The following TAS2R1 variants were observed in gnomAD, a reference collection of about 807,000 sequenced individuals.
TAS2R1 encodes the protein taste receptor type 2 member 1.
For synonymous variants in TAS2R1, 141 were observed against 134.2 expected (o/e 1.05, Z -0.35); for missense variants, 370 against 353.4 (o/e 1.05, Z -0.38).
the TAS2R1 span, among the ~76,000 whole-genome samples, chr5:9,854,709 AT>A: frequency 6.6e-6 from 1 of 152,336 alleles, no homozygotes; most frequent in Middle Eastern, 3.4e-3. Flanking sequence ...GCAATACTGG[AT>A]TTGACATAAA....
chr5:9,629,742 T>C lies in TAS2R1; in HGVS notation c.291A>G (p.Thr97=), dbSNP rs1227416385. 6.2e-7 allele frequency: 1 copy of C among 1,614,004 alleles called. No individual in the cohort carries two copies. Among genetic ancestry groups the C allele is most frequent in the Non-Finnish European group, 8.5e-7 (1 of 1,179,950 alleles). Residue 97 remains threonine, a synonymous_variant, in exon 1 of 1, where the codon ACA becomes ACG. Transcript: ENST00000382492. Reference sequence around the variant, plus strand: ...TGGCACAATAGAAAACGCCGAGCCATGTGGCAAGCCAAAGTTCCAATTCAT... The same window carrying C: ...TGGCACAATAGAAAACGCCGAGCCACGTGGCAAGCCAAAGTTCCAATTCAT... The part of the protein sequence containing the change: ...FINELELWLA[T]WLGVFYCAKV...
the TAS2R1 span, among the ~76,000 whole-genome samples, chr5:9,756,773 G>A: frequency 2.0e-5 from 3 of 152,178 alleles, no homozygotes; most frequent in African/African-American, 7.2e-5. Flanking sequence ...CGAAAGGGTT[G>A]TCAGGAGATT....
the TAS2R1 span, among the ~76,000 whole-genome samples, chr5:9,718,004 C>G: frequency 2.6e-5 from 4 of 152,102 alleles, no homozygotes; most frequent in Admixed American, 6.5e-5. Flanking sequence ...TCTGTTGCCA[C>G]GCTGGAGTGC....
chr5:9,685,433 T>C (rs1028850657), intron 1 of TAS2R1, among the ~76,000 whole-genome samples: 2 of 152,104 alleles, frequency 1.3e-5, no homozygotes, highest in African/African-American at 4.8e-5. Flanking sequence ...ATAACAATTA[T>C]ATACTACATA....
At chr5:9,835,937 T>A in the TAS2R1 span, among the ~76,000 whole-genome samples, 2 of 152,240 alleles carry the variant, frequency 1.3e-5, no homozygotes, top group Admixed American at 1.3e-4. Flanking sequence ...AGACCCCAGA[T>A]AAAATCAGTT....
At chr5:9,740,549 A>G in the TAS2R1 span, among the ~76,000 whole-genome samples, 4 of 152,336 alleles carry the variant, frequency 2.6e-5, no homozygotes, top group East Asian at 3.9e-4. Flanking sequence ...ATCAACAACC[A>G]TCTAAGCTGT....
the TAS2R1 span, among the ~76,000 whole-genome samples, chr5:9,851,303 T>C: frequency 2.6e-5 from 4 of 152,236 alleles, no homozygotes; most frequent in African/African-American, 4.8e-5. Context: ...TGAAGGCGCA[T>C]GTTGGCTAGA....
At chr5:9,771,888 G>A in the TAS2R1 span, among the ~76,000 whole-genome samples, 1 of 151,592 alleles carries the variant, frequency 6.6e-6, no homozygotes, top group Non-Finnish European at 1.5e-5. Flanking sequence ...ATTTATTTGG[G>A]TCTTCTCTTT....
intron 2 of TAS2R1, among the ~76,000 whole-genome samples, chr5:9,659,231 C>T (rs1287605339): frequency 6.6e-6 from 1 of 152,114 alleles, no homozygotes; most frequent in Non-Finnish European, 1.5e-5. Context: ...CACAGGGACC[C>T]CATGAACTAC....
Position 9,627,918 on chromosome 5 carries a change from C to T in TAS2R1, c.*1215G>A, listed in dbSNP as rs1231407326. Reference sequence around the variant, plus strand: ...AAATCCTTCATTGGTGTATTATAACCAGGCCTGCGTGGCTTGGGTTAGAAA... The same window carrying T: ...AAATCCTTCATTGGTGTATTATAACTAGGCCTGCGTGGCTTGGGTTAGAAA... On this transcript the variant is annotated 3_prime_UTR_variant, in exon 1 of 1. Transcript: ENST00000382492. Among the ~76,000 whole-genome samples the T allele has an allele frequency of 6.6e-6, 1 of 152,138 alleles. No homozygotes were observed. The highest frequency in any genetic ancestry group is 6.5e-5 in the Admixed American group (1 of 15,268).
chr5:9,879,982 G>C, the TAS2R1 span, among the ~76,000 whole-genome samples: 1 of 152,106 alleles, frequency 6.6e-6, no homozygotes, highest in Admixed American at 6.5e-5. Context: ...TGCAGGGTTT[G>C]CTTGATTTTC....
At chr5:9,774,813 G>T in the TAS2R1 span, among the ~76,000 whole-genome samples, 1 of 152,244 alleles carries the variant, frequency 6.6e-6, no homozygotes, top group Non-Finnish European at 1.5e-5. Context: ...TGAGCTGCCT[G>T]AAGCTGGGAA....
the TAS2R1 span, among the ~76,000 whole-genome samples, chr5:9,899,605 C>G: frequency 6.7e-6 from 1 of 150,350 alleles, no homozygotes; most frequent in Admixed American, 6.6e-5. Flanking sequence ...CCACTGCACT[C>G]CAGCCTGGGC....
At chr5:9,898,968 C>G in the TAS2R1 span, among the ~76,000 whole-genome samples, 1 of 152,182 alleles carries the variant, frequency 6.6e-6, no homozygotes, top group Non-Finnish European at 1.5e-5. Flanking sequence ...GGGAAGTGGA[C>G]ATGGAACTGC....
intron 1 of TAS2R1, among the ~76,000 whole-genome samples, chr5:9,664,710 A>G (rs1280043123): frequency 6.6e-6 from 1 of 150,622 alleles, no homozygotes; most frequent in African/African-American, 2.5e-5. Context: ...TGCCTATCAA[A>G]ACTCAGCCTA....
chr5:9,855,733 G>A, the TAS2R1 span, among the ~76,000 whole-genome samples: 9 of 152,332 alleles, frequency 5.9e-5, no homozygotes, highest in African/African-American at 2.2e-4. Context: ...ACTGAGCCCT[G>A]CTTCTGATAT....
chr5:9,683,401 C>T (rs1014527917), intron 1 of TAS2R1, among the ~76,000 whole-genome samples: 1 of 152,178 alleles, frequency 6.6e-6, no homozygotes, highest in Non-Finnish European at 1.5e-5. Context: ...TCAAGTTTAT[C>T]AACTACCATA....
At chr5:9,752,146 G>T in the TAS2R1 span, among the ~76,000 whole-genome samples, 1 of 152,170 alleles carries the variant, frequency 6.6e-6, no homozygotes, top group African/African-American at 2.4e-5. Context: ...ATAAAGTTTT[G>T]TGTTAAGTTA....
intron 1 of TAS2R1, among the ~76,000 whole-genome samples, chr5:9,660,368 G>T (rs181046897): frequency 6.6e-6 from 1 of 150,946 alleles, no homozygotes; most frequent in Non-Finnish European, 1.5e-5. Flanking sequence ...GAGCCACCAC[G>T]CCCGGCCTGA....
Sources: gnomAD v4.1 joint callset for allele counts (sites outside exome capture counted in the v4.1 genomes callset) on GRCh38, gnomAD v4.1.1 for gene constraint, MANE v1.5 for transcripts, NCBI Gene and HGNC (gene_info 2026-07-23, HGNC 2026-07-21) for gene names.